Variants in TCF25 observed in about 807,000 individuals in gnomAD.
TCF25 encodes ribosome quality control complex subunit TCF25.
In TCF25, 41 loss-of-function variants were observed where a neutral mutation model predicts 83.1. The observed-to-expected ratio is 0.49, with a 90% CI of 0.38 to 0.64. The LOEUF is 0.64. Among genes scored for constraint, TCF25 ranks in the 30% least tolerant of loss-of-function variants. TCF25 has a pLI of 0.00. For synonymous variants in TCF25, 458 were observed against 365.0 expected (o/e 1.25, Z -2.90); for missense variants, 979 against 914.5 (o/e 1.07, Z -0.91).
At chr16:89,886,379 G>T (rs140039668) in intron 4 of TCF25, among the ~76,000 whole-genome samples, 1 of 152,204 alleles carries the variant, frequency 6.6e-6, no homozygotes, top group Admixed American at 6.5e-5. Context: ...AGTGAGTCGA[G>T]ATTGTGCCAC....
rs181982555 is a variant in TCF25, at chr16:89,877,570, C to G, written c.192+3711C>G. On this transcript the variant is annotated intron_variant, in intron 1 of 17. Coordinates refer to ENST00000263346, the MANE Select transcript of TCF25 (RefSeq NM_014972.3). ...AGTGTTTAAAAATCTAGAAATTTACCTGAAACTTCTACCTTAAACTAGAAA... is the reference window on the plus strand; with the variant it reads ...AGTGTTTAAAAATCTAGAAATTTACGTGAAACTTCTACCTTAAACTAGAAA... 7.2e-5 allele frequency among the ~76,000 whole-genome samples: 11 copies of G among 152,194 alleles called. No homozygotes were observed. The East Asian group carries it at 2.1e-3, about 29-fold the overall frequency.
chr16:89,903,721 C>T (rs1363792595), intron 12 of TCF25, among the ~76,000 whole-genome samples: 1 of 152,130 alleles, frequency 6.6e-6, no homozygotes, highest in Non-Finnish European at 1.5e-5. Context: ...GCAGGAGAAT[C>T]GCTTGAGCCT....
chr16:89,896,734 C>G (rs1331629264), intron 9 of TCF25, among the ~76,000 whole-genome samples: 9 of 151,990 alleles, frequency 5.9e-5, no homozygotes, highest in Admixed American at 5.9e-4. Flanking sequence ...TTTGTATTTT[C>G]TAGTAGAGAC....
chr16:89,883,777 C>A (rs528781680), intron 2 of TCF25: 80 of 393,488 alleles, frequency 2.0e-4, no homozygotes, highest in African/African-American at 1.7e-3. Context: ...TCCCTCCTAG[C>A]CAACCGCGCA....
At chr16:89,904,883 G>C (rs760993766) in intron 13 of TCF25, 55 bp from the exon 14 acceptor site, 2 of 1,565,012 alleles carry the variant, frequency 1.3e-6, no homozygotes, top group South Asian at 1.2e-5. Context: ...TGCCAGCCTC[G>C]AGGCAGGCTG....
rs774808552 is a variant in TCF25, at chr16:89,884,605, G to A, written c.378G>A (p.Arg126=). The change falls in exon 3 of 18, where the codon CGG becomes CGA. Residue 126 remains arginine (R), a synonymous_variant. Coordinates refer to ENST00000263346, the MANE Select transcript of TCF25 (RefSeq NM_014972.3). ...AGTCTCATGCAAGTGGCAAACTCCG[G>A]AAGAAGAAAAAAAAACAGAAAAACA... is the stretch of plus-strand genomic sequence containing the variant. ...SEQSHASGKL[R]KKKKKQKNKK... 5 of 1,613,438 alleles carry A rather than the reference G, an allele frequency of 3.1e-6. No individual in the cohort carries two copies. In the South Asian group the frequency reaches 3.3e-5, roughly 11 times the overall value.
chr16:89,882,544 G>C (rs897954166), intron 1 of TCF25, among the ~76,000 whole-genome samples: 2 of 152,112 alleles, frequency 1.3e-5, no homozygotes, highest in South Asian at 4.2e-4. Context: ...CTCAAAAAGA[G>C]AGAGAGAAGG....
At chr16:89,880,771 C>T (rs1221806874) in intron 1 of TCF25, among the ~76,000 whole-genome samples, 1 of 152,172 alleles carries the variant, frequency 6.6e-6, no homozygotes, top group African/African-American at 2.4e-5. Flanking sequence ...GAGACATCAT[C>T]ATTAGTTGAA....
chr16:89,887,017 T>G (rs1025909032), intron 4 of TCF25, among the ~76,000 whole-genome samples: 1 of 152,156 alleles, frequency 6.6e-6, no homozygotes, highest in Non-Finnish European at 1.5e-5. Context: ...TTACTTCTTA[T>G]GTATATTAGA....
At chr16:89,908,689 C>G (rs930932458) in intron 16 of TCF25, among the ~76,000 whole-genome samples, 36 of 1,110 alleles carry the variant, frequency 0.032, 1 homozygote, top group African/African-American at 0.043. Context: ...CCAGCTCCCA[C>G]CTCCCGCCTC....
At chr16:89,908,812 G>GCAGCTCCCAGCTCCCAGCTCC (rs140194835) in intron 16 of TCF25, among the ~76,000 whole-genome samples, 5 of 63,870 alleles carry the variant, frequency 7.8e-5, no homozygotes, top group African/African-American at 2.3e-4. Context: ...CTCCCACCTC[G>GCAGCTCCCAGCTCCCAGCTCC]CAGCTCCCAG....
chr16:89,885,982 T>TTCTCTGCGGCTGCCCC lies in TCF25; in HGVS notation c.548+31_548+32insCTCTCTGCGGCTGCCC. 1 of 1,600,400 alleles carries TTCTCTGCGGCTGCCCC rather than the reference T, an allele frequency of 6.2e-7. No homozygotes were observed. Among genetic ancestry groups the TTCTCTGCGGCTGCCCC allele is most frequent in the Non-Finnish European group, 8.5e-7 (1 of 1,172,268 alleles). On this transcript the variant is annotated intron_variant, in intron 4 of 17. Transcript: ENST00000263346. ...TGGAGCACAGGTGTGGCCCCCGCCC[T>TTCTCTGCGGCTGCCCC]TCTCTGCGGCTGCCCTTCTCTGCGG...
intron 15 of TCF25, among the ~76,000 whole-genome samples, chr16:89,906,661 T>C (rs1264704944): frequency 6.6e-6 from 1 of 152,048 alleles, no homozygotes; most frequent in Admixed American, 6.6e-5. Context: ...CCTAAGGAGT[T>C]TGTACTGTTG....
At position 89,883,416 on chromosome 16, in the gene TCF25, A is replaced by G. The variant is rs748967311; in HGVS notation, c.258A>G (p.Thr86=). The G allele has an allele frequency of 1.9e-6, 3 of 1,613,926 alleles. No individual in the cohort carries two copies. Among genetic ancestry groups the G allele is most frequent in the South Asian group, 2.2e-5 (2 of 91,076 alleles). Residue 86 remains threonine, a synonymous_variant, in exon 2 of 18, where the codon ACA becomes ACG. Coordinates refer to ENST00000263346, the MANE Select transcript of TCF25 (RefSeq NM_014972.3). ...VNGERSGCAL[T]DAVAPGNKGR... is the part of the protein sequence containing the mutation. ...GGGAGAGGTCTGGCTGTGCGCTCAC[A>G]GACGCTGTGGCACCAGGGAACAAAG...
intron 6 of TCF25, among the ~76,000 whole-genome samples, chr16:89,892,698 G>T (rs1414064414): frequency 6.6e-6 from 1 of 152,242 alleles, no homozygotes; most frequent in East Asian, 1.9e-4. Context: ...AAACTAATAA[G>T]TGATTTTAAG....
intron 9 of TCF25, among the ~76,000 whole-genome samples, chr16:89,896,899 T>C (rs1344363103): frequency 6.6e-6 from 1 of 152,036 alleles, no homozygotes; most frequent in African/African-American, 2.4e-5. Flanking sequence ...GGCGCGTGCC[T>C]GTGGTCCCAG....
intron 1 of TCF25, among the ~76,000 whole-genome samples, chr16:89,878,937 A>T (rs2042390310): frequency 6.6e-6 from 1 of 152,212 alleles, no homozygotes; most frequent in Non-Finnish European, 1.5e-5. Flanking sequence ...CACCGCGCCC[A>T]GCCAGTAATA....
intron 12 of TCF25, 89 bp downstream of exon 12, chr16:89,900,883 G>A (rs763474742): frequency 2.6e-5 from 35 of 1,347,340 alleles, no homozygotes; most frequent in Non-Finnish European, 3.3e-5. Context: ...CCAGGTCCCA[G>A]TCCTTCCCCA....
At chr16:89,883,217 C>G in intron 1 of TCF25, 134 bp from the exon 2 acceptor site, 1 of 1,221,808 alleles carries the variant, frequency 8.2e-7, no homozygotes, top group Non-Finnish European at 1.1e-6. Context: ...GTTCTTGCAT[C>G]TTTCCCGTCC....
Sources: allele counts gnomAD v4.1 joint callset (sites outside exome capture counted in the v4.1 genomes callset), GRCh38; gene constraint gnomAD v4.1.1; transcripts MANE v1.5; gene names NCBI Gene and HGNC (gene_info 2026-07-23, HGNC 2026-07-21).